PPP1R13L: variants seen among roughly 807,000 people sequenced by gnomAD.
PPP1R13L encodes relA-associated inhibitor.
A neutral mutation model predicts 80.9 loss-of-function variants in PPP1R13L; 50 were observed. The observed-to-expected ratio is 0.62, with a 90% CI of 0.49 to 0.78. The LOEUF (loss-of-function observed/expected upper bound fraction) is 0.78. Among genes scored for constraint, PPP1R13L ranks in the 30% least tolerant of loss-of-function variants. The pLI is 0.00. For synonymous variants in PPP1R13L, 602 were observed against 534.3 expected, an observed-to-expected ratio of 1.13 and a Z score of -1.75; for missense variants, 1,200 against 1,205.9, an observed-to-expected ratio of 1.00 and a Z score of 0.07.
At chr19:45,397,873 C>T in intron 3 of PPP1R13L, 132 bp downstream of exon 3, 1 of 1,262,164 alleles carries the variant, frequency 7.9e-7, no homozygotes, top group Non-Finnish European at 1.1e-6. Flanking sequence ...GCCTGGTCCC[C>T]TTTTTTCAAG....
At chr19:45,395,043 T>C (rs1973053271) in intron 7 of PPP1R13L, 1 of 173,772 alleles carries the variant, frequency 5.8e-6, no homozygotes, top group Non-Finnish European at 1.2e-5. Context: ...AGAGATGGGG[T>C]TTCATATTGG....
At chr19:45,405,504 C>T (rs1403167586), upstream of PPP1R13L, among the ~76,000 whole-genome samples, 2 of 152,252 alleles carry the variant, frequency 1.3e-5, no homozygotes, top group African/African-American at 4.8e-5. Flanking sequence ...CCCCCAGCAG[C>T]CTCCGCGACC....
In PPP1R13L at chr19:45,385,884, G is replaced by T; in HGVS notation, c.2021C>A (p.Ser674Tyr). 6.2e-7 allele frequency: 1 copy of T among 1,611,226 alleles called. No homozygotes were observed. Among genetic ancestry groups the T allele is most frequent in the Non-Finnish European group, 8.5e-7 (1 of 1,178,848 alleles). The change falls in exon 10 of 13, where the codon TCT (serine) becomes TAT (tyrosine). Residue 674 changes from serine to tyrosine, a missense_variant. Physicochemically the swap from Ser to Tyr is moderately radical, Grantham distance 144 (BLOSUM62 -2). Coordinates refer to ENST00000360957, the MANE Select transcript of PPP1R13L (RefSeq NM_006663.4). ...CGCGGTGATGAGGAAATCCACGATA[G>T]AGTAGTTGGCGCCGCAGATGGCGTT... ...LHNAICGANY[S>Y]IVDFLITAGA...
intron 6 of PPP1R13L, 58 bp from the exon 7 acceptor site, chr19:45,395,944 T>A: frequency 4.3e-6 from 6 of 1,387,500 alleles, no homozygotes; most frequent in Non-Finnish European, 5.9e-6. Flanking sequence ...GGAGGGGAGG[T>A]AAAGACAAAA....
Position 45,398,244 on chromosome 19 carries a change from C to T in PPP1R13L, c.55+20G>A. 1 of 1,613,796 alleles carries T rather than the reference C, an allele frequency of 6.2e-7. No individual in the cohort carries two copies. The highest frequency in any genetic ancestry group is 8.5e-7 in the Non-Finnish European group (1 of 1,179,820). ...GCCGAGGTCCCCGCCTCGCCAGCCC[C>T]GCCCCCTACTCCAGCTTACACTGGA... On this transcript the variant is annotated intron_variant, in intron 2 of 12. Coordinates refer to ENST00000360957, the MANE Select transcript of PPP1R13L (RefSeq NM_006663.4).
intron 12 of PPP1R13L, 22 bp from the exon 13 acceptor site, chr19:45,380,250 A>C (rs1186483227): frequency 1.2e-6 from 2 of 1,613,658 alleles, no homozygotes. Flanking sequence ...CAGGATCTTC[A>C]GACATCAGGA....
intron 11 of PPP1R13L, among the ~76,000 whole-genome samples, chr19:45,383,533 G>A (rs1972808890): frequency 6.6e-6 from 1 of 151,402 alleles, no homozygotes; most frequent in Non-Finnish European, 1.5e-5. Flanking sequence ...GACCTCAAGT[G>A]ATCCACCCGC....
upstream of PPP1R13L, chr19:45,405,174 T>A: frequency 6.4e-6 from 2 of 313,492 alleles, no homozygotes; most frequent in Non-Finnish European, 9.3e-6. Flanking sequence ...CCTTGGGACT[T>A]GTAGTCCCGG....
intron 1 of PPP1R13L, among the ~76,000 whole-genome samples, chr19:45,404,068 T>C (rs1384897116): frequency 6.6e-6 from 1 of 152,022 alleles, no homozygotes; most frequent in African/African-American, 2.4e-5. Flanking sequence ...CGGGGGCGGA[T>C]GGAATCCCGT....
At chr19:45,405,267 C>T (rs534918243), upstream of PPP1R13L, among the ~76,000 whole-genome samples, 85 of 152,288 alleles carry the variant, frequency 5.6e-4, no homozygotes, top group South Asian at 1.9e-3. Context: ...GGCCCAGAAG[C>T]CGAGAGCGAC....
At chr19:45,393,506 C>T (rs903607075) in intron 7 of PPP1R13L, among the ~76,000 whole-genome samples, 2 of 151,702 alleles carry the variant, frequency 1.3e-5, no homozygotes, top group African/African-American at 2.4e-5. Context: ...GTAGGAGAAT[C>T]GCTTGAACCT....
chr19:45,398,428 A>G (rs1973160981), intron 1 of PPP1R13L, 89 bp from the exon 2 acceptor site: 2 of 1,286,840 alleles, frequency 1.6e-6, no homozygotes, highest in Non-Finnish European at 2.2e-6. Flanking sequence ...GAGCGGGACA[A>G]CGCCTCAACT....
rs1009640877 is a variant in PPP1R13L, at chr19:45,396,851, C to T, written c.406G>A (p.Asp136Asn). The change falls in exon 4 of 13, where the codon GAC becomes AAC. Residue 136 changes from aspartate to asparagine, a missense_variant. Transcript: ENST00000360957. The surrounding 1 kb of genome is among the most constrained non-coding windows in gnomAD (Gnocchi z 5.3). ...CGGGGCCGGGGCGAGGTCGCGCGGT[C>T]CAGGCTGCCGTAGGCGTCCGGCTGC... Reference protein sequence around the residue: ...YLQPDAYGSLDRATSPRPRAF... With the variant: ...YLQPDAYGSLNRATSPRPRAF... 2.1e-5 allele frequency: 32 copies of T among 1,524,088 alleles called. No homozygotes were observed. In the Admixed American group the frequency reaches 4.3e-4, roughly 21 times the overall value. 94.4% of individuals were successfully genotyped at this position (1,524,088 alleles called of 1,614,324 possible). A position where few individuals can be genotyped will look rare whatever the true frequency, so the allele number is the denominator to read the frequency against.
At chr19:45,384,366 C>CAAAAAAAAA (rs770216477) in intron 11 of PPP1R13L, among the ~76,000 whole-genome samples, 28 of 91,266 alleles carry the variant, frequency 3.1e-4, no homozygotes, top group East Asian at 6.2e-4. Flanking sequence ...ACTAAAAATA[C>CAAAAAAAAA]AAAAAAAAAA....
rs1186890176 is a variant in PPP1R13L, at chr19:45,380,176, C to T, written c.*14G>A. Reference sequence around the variant, plus strand: ...GCTTGTTTCTGTCAGCCTCAGAAACCTCCTTCTATCCTGCTAGACTTTACT... The same window carrying T: ...GCTTGTTTCTGTCAGCCTCAGAAACTTCCTTCTATCCTGCTAGACTTTACT... On this transcript the variant is annotated 3_prime_UTR_variant, in exon 13 of 13. Coordinates refer to ENST00000360957, the MANE Select transcript of PPP1R13L (RefSeq NM_006663.4). 5 of 1,613,706 alleles carry T rather than the reference C, an allele frequency of 3.1e-6. No individual in the cohort carries two copies. The highest frequency in any genetic ancestry group is 1.3e-5 in the African/African-American group (1 of 74,898).
Position 45,382,650 on chromosome 19 carries a change from G to C in PPP1R13L, c.2325C>G (p.Asp775Glu). The C allele has an allele frequency of 6.2e-7, 1 of 1,613,932 alleles. No individual in the cohort carries two copies. The highest frequency in any genetic ancestry group is 8.5e-7 in the Non-Finnish European group (1 of 1,180,042). Residue 775 changes from aspartate to glutamate, a missense_variant, in exon 12 of 13, where the codon GAC (aspartate) becomes GAG (glutamate). Physicochemically the swap from Asp to Glu is conservative, Grantham distance 45. Coordinates refer to ENST00000360957, the MANE Select transcript of PPP1R13L (RefSeq NM_006663.4). ...ACTCGCCCTCGCGGAAGGACAGCTC[G>C]TCCCCGAACTCGGCGCTGTAGTCCC... ...ALWDYSAEFG[D>E]ELSFREGESV...
Position 45,398,083 on chromosome 19 carries a change from A to G in PPP1R13L, c.120T>C (p.Asp40=). Residue 40 remains aspartate, a synonymous_variant, in exon 3 of 13, where the codon GAT becomes GAC. Transcript: ENST00000360957. The part of the protein sequence containing the change: ...MELDTAAAKV[D]ELTKQLESLW... Reference sequence around the variant, plus strand: ...GCGACTCCAGCTGCTTGGTCAGTTCATCCACCTTGGCCGCCGCCGTGTCCA... The same window carrying G: ...GCGACTCCAGCTGCTTGGTCAGTTCGTCCACCTTGGCCGCCGCCGTGTCCA... 1 of 1,614,110 alleles carries G rather than the reference A, an allele frequency of 6.2e-7. No homozygotes were observed. Among genetic ancestry groups the G allele is most frequent in the Non-Finnish European group, 8.5e-7 (1 of 1,180,014 alleles).
intron 11 of PPP1R13L, 131 bp downstream of exon 11, chr19:45,385,431 C>T (rs543978028): frequency 1.3e-4 from 143 of 1,142,782 alleles, no homozygotes; most frequent in Middle Eastern, 3.0e-4. Flanking sequence ...CCCTCATCCT[C>T]CTCCTCGGCA....
In PPP1R13L at chr19:45,401,364, A is replaced by AC. The variant is rs548836148; in HGVS notation, c.-21-3026_-21-3025insG. Among the ~76,000 whole-genome samples the AC allele has an allele frequency of 2.7e-3, 408 of 151,624 alleles. 2 individuals are homozygous for AC. Among genetic ancestry groups the AC allele is most frequent in the Middle Eastern group, 0.014 (4 of 294 alleles). On this transcript the variant is annotated intron_variant, in intron 1 of 12. Coordinates refer to ENST00000360957, the MANE Select transcript of PPP1R13L (RefSeq NM_006663.4). ...AGCGAGACTCCGTCCCAAAAAAAAA[A>AC]AAAAAAAAAATTTGTAGAGACAGGG...
Sources: gnomAD v4.1 joint callset for allele counts (sites outside exome capture counted in the v4.1 genomes callset) on GRCh38, gnomAD v4.1.1 for gene constraint, Gnocchi (gnomAD v3.1) non-coding constraint, MANE v1.5 for transcripts, NCBI Gene and HGNC (gene_info 2026-07-23, HGNC 2026-07-21) for gene names.